The following DLG2 variants were observed in gnomAD, a reference collection of about 807,000 sequenced individuals.
DLG2 encodes disks large homolog 2.
DLG2 carries 45 observed loss-of-function variants against 132.5 expected under a neutral mutation model. The ratio of observed to expected loss-of-function variants is 0.34; its 90% CI spans 0.27 to 0.44. The LOEUF is 0.44. DLG2 is among the 20% of genes least tolerant of loss of function. The pLI, the probability that DLG2 is intolerant of heterozygous loss-of-function variation, is 1.00. For missense variants in DLG2, 1,045 were observed against 1,196.9 expected, an observed-to-expected ratio of 0.87 and a Z score of 1.87; for synonymous variants, 424 against 419.6, an observed-to-expected ratio of 1.01 and a Z score of -0.13.
chr11:84,986,375 C>T (rs2056493924), intron 6 of DLG2, among the ~76,000 whole-genome samples: 1 of 152,064 alleles, frequency 6.6e-6, no homozygotes, highest in African/African-American at 2.4e-5. Flanking sequence ...GAATTGGTAC[C>T]AACCCTATTG....
chr11:84,914,821 G>A (rs2092351130), intron 6 of DLG2, among the ~76,000 whole-genome samples: 2 of 152,170 alleles, frequency 1.3e-5, no homozygotes, highest in Admixed American at 1.3e-4. Context: ...GTAAAAATAG[G>A]TTTAATAGAA....
intron 6 of DLG2, among the ~76,000 whole-genome samples, chr11:84,959,034 G>A (rs1311996946): frequency 6.6e-6 from 1 of 152,130 alleles, no homozygotes; most frequent in Non-Finnish European, 1.5e-5. Flanking sequence ...CTGCTTATAC[G>A]TGGCTTTTGC....
At position 83,480,623 on chromosome 11, in the gene DLG2, CT is replaced by C. The variant is rs772459996; in HGVS notation, c.2293+3505del. 5 of 1,557,076 alleles carry C rather than the reference CT, an allele frequency of 3.2e-6. No homozygotes were observed. In the Admixed American group the frequency reaches 5.8e-5, roughly 18 times the overall value. On this transcript the variant is annotated intron_variant, in intron 22 of 27. Coordinates refer to ENST00000376104, the MANE Select transcript of DLG2 (RefSeq NM_001142699.3). ...GGAACCCGCTGCTTGATTGCTGTTT[CT>C]TCTTTTTAGCAAATGAAGAAAGTAT... is the stretch of plus-strand genomic sequence containing the variant.
At chr11:83,472,446 G>A (rs999897608) in intron 23 of DLG2, among the ~76,000 whole-genome samples, 1 of 152,110 alleles carries the variant, frequency 6.6e-6, no homozygotes, top group Non-Finnish European at 1.5e-5. Context: ...GTGCTCTTTA[G>A]GTAATTTGAA....
At chr11:85,407,612 G>C (rs759325573) in intron 3 of DLG2, among the ~76,000 whole-genome samples, 2 of 151,748 alleles carry the variant, frequency 1.3e-5, no homozygotes, top group Non-Finnish European at 2.9e-5. Context: ...CATATCACGG[G>C]AGTCACGAAG....
chr11:83,535,755 C>T (rs539188162), intron 20 of DLG2, among the ~76,000 whole-genome samples: 1 of 152,206 alleles, frequency 6.6e-6, no homozygotes, highest in Admixed American at 6.5e-5. Context: ...TTGAAAGTTT[C>T]ATTAATAATA....
intron 3 of DLG2, among the ~76,000 whole-genome samples, chr11:85,439,898 A>G (rs572983361): frequency 6.6e-6 from 1 of 152,304 alleles, no homozygotes; most frequent in Non-Finnish European, 1.5e-5. Flanking sequence ...AATATAAAGT[A>G]TAGATTAGTG....
chr11:83,556,945 C>A lies in DLG2; in HGVS notation c.1941-15087G>T, dbSNP rs570065894. Among the ~76,000 whole-genome samples, 13 of 152,274 alleles carry A rather than the reference C, an allele frequency of 8.5e-5. No homozygotes were observed. The East Asian group carries it at 2.5e-3, about 29-fold the overall frequency. ...CAGTGGTACTTCAAACCAGCAAGAT[C>A]CAGAACTCTAATTATCAGCCCATAA... On this transcript the variant is annotated intron_variant, in intron 19 of 27. Coordinates refer to ENST00000376104, the MANE Select transcript of DLG2 (RefSeq NM_001142699.3).
intron 8 of DLG2, among the ~76,000 whole-genome samples, chr11:84,247,209 G>A (rs1250492521): frequency 1.3e-5 from 2 of 152,116 alleles, no homozygotes; most frequent in African/African-American, 2.4e-5. Flanking sequence ...TTGTTAGGGT[G>A]CTGTTCAATA....
At chr11:84,871,623 A>T (rs2085469185) in intron 6 of DLG2, among the ~76,000 whole-genome samples, 1 of 152,186 alleles carries the variant, frequency 6.6e-6, no homozygotes, top group African/African-American at 2.4e-5. Context: ...GAAAAGAAAT[A>T]TAATTGGGTA....
At chr11:85,077,633 G>C (rs1247679267) in intron 6 of DLG2, among the ~76,000 whole-genome samples, 11 of 131,020 alleles carry the variant, frequency 8.4e-5, no homozygotes, top group South Asian at 3.1e-4. Context: ...CATCATAATT[G>C]TCAAAAGTTA....
At chr11:83,755,233 A>G (rs1184741854) in intron 18 of DLG2, among the ~76,000 whole-genome samples, 1 of 151,450 alleles carries the variant, frequency 6.6e-6, no homozygotes, top group African/African-American at 2.5e-5. Flanking sequence ...CTTTTAAATT[A>G]CATTTCCAGC....
At chr11:84,593,580 A>G (rs558978481) in intron 6 of DLG2, among the ~76,000 whole-genome samples, 1 of 152,330 alleles carries the variant, frequency 6.6e-6, no homozygotes, top group African/African-American at 2.4e-5. Flanking sequence ...TCTCATTCAT[A>G]AGTGGGAGCT....
intron 6 of DLG2, among the ~76,000 whole-genome samples, chr11:84,871,493 G>A (rs960717647): frequency 1.3e-4 from 20 of 152,268 alleles, no homozygotes; most frequent in Admixed American, 1.0e-3. Flanking sequence ...GAACCTTGAG[G>A]AAAGCTATAG....
chr11:84,189,780 A>G (rs1373202923), intron 8 of DLG2, among the ~76,000 whole-genome samples: 1 of 152,168 alleles, frequency 6.6e-6, no homozygotes, highest in Non-Finnish European at 1.5e-5. Context: ...ATAAGAACAC[A>G]TGGATACATC....
At chr11:84,088,039 C>G (rs1434701010) in intron 10 of DLG2, among the ~76,000 whole-genome samples, 1 of 152,092 alleles carries the variant, frequency 6.6e-6, no homozygotes, top group Non-Finnish European at 1.5e-5. Context: ...AGTCGTTTAT[C>G]AGGTATATTA....
chr11:84,184,189 C>A (rs1211109152), intron 8 of DLG2, among the ~76,000 whole-genome samples: 2 of 152,210 alleles, frequency 1.3e-5, no homozygotes, highest in African/African-American at 2.4e-5. Flanking sequence ...TACAGTCCCA[C>A]CAACAGTGTA....
intron 3 of DLG2, among the ~76,000 whole-genome samples, chr11:85,439,899 T>C (rs563528690): frequency 7.2e-5 from 11 of 152,264 alleles, no homozygotes; most frequent in Admixed American, 4.6e-4. Context: ...ATATAAAGTA[T>C]AGATTAGTGC....
intron 7 of DLG2, among the ~76,000 whole-genome samples, chr11:84,388,408 T>G (rs1421243094): frequency 6.6e-6 from 1 of 152,042 alleles, no homozygotes; most frequent in African/African-American, 2.4e-5. Flanking sequence ...AACAAGAACC[T>G]CCCACTAGTC....
Sources: allele counts gnomAD v4.1 joint callset (sites outside exome capture counted in the v4.1 genomes callset), GRCh38; gene constraint gnomAD v4.1.1; transcripts MANE v1.5; gene names NCBI Gene and HGNC (gene_info 2026-07-23, HGNC 2026-07-21).